Variants in KIF26B observed in about 807,000 individuals in gnomAD.
The protein encoded by KIF26B is kinesin family member 26B.
Under a neutral mutation model 151.2 loss-of-function variants are expected in KIF26B, and 63 were observed. The ratio of observed to expected loss-of-function variants is 0.42; its 90% CI spans 0.34 to 0.51. The LOEUF (loss-of-function observed/expected upper bound fraction) is 0.51, where lower values mean the gene tolerates loss of function less well. Among genes scored for constraint, KIF26B ranks in the 20% least tolerant of loss-of-function variants. KIF26B has a pLI of 0.07. For missense variants in KIF26B, 2,813 were observed against 2,913.6 expected (o/e 0.97, Z 0.79); for synonymous variants, 1,357 against 1,262.1 (o/e 1.08, Z -1.59).
intron 2 of KIF26B, among the ~76,000 whole-genome samples, chr1:245,213,413 C>A (rs1218879272): frequency 2.0e-5 from 3 of 152,196 alleles, no homozygotes; most frequent in Non-Finnish European, 2.9e-5. Context: ...TGTCTTTTAG[C>A]CAAAGCTGTG....
At chr1:245,283,326 C>T (rs1295501596) in intron 2 of KIF26B, among the ~76,000 whole-genome samples, 1 of 152,140 alleles carries the variant, frequency 6.6e-6, no homozygotes, top group Non-Finnish European at 1.5e-5. Context: ...ACCTCAAGCC[C>T]AATCCGCCCA....
intron 3 of KIF26B, among the ~76,000 whole-genome samples, chr1:245,397,433 A>C (rs904019848): frequency 6.6e-6 from 1 of 151,996 alleles, no homozygotes; most frequent in Non-Finnish European, 1.5e-5. Context: ...TCAGGCTGGT[A>C]TCGAACTCCC....
rs544593981 is a variant in KIF26B at position 245,354,449 on chromosome 1, C to G, written c.466-12385C>G. Reference sequence around the variant, plus strand: ...GATCCACGGTTTCACATGGCCAGGACCTCAGGGCCGCATCAGCCTCTTCCA... The same window carrying G: ...GATCCACGGTTTCACATGGCCAGGAGCTCAGGGCCGCATCAGCCTCTTCCA... On this transcript the variant is annotated intron_variant, in intron 2 of 14. Transcript: ENST00000407071. 5.3e-5 allele frequency among the ~76,000 whole-genome samples: 8 copies of G among 152,336 alleles called. No individual in the cohort carries two copies. In the East Asian group the frequency reaches 1.3e-3, roughly 26 times the overall value.
intron 9 of KIF26B, among the ~76,000 whole-genome samples, chr1:245,629,815 A>G (rs1478230873): frequency 6.6e-6 from 1 of 152,210 alleles, no homozygotes; most frequent in Admixed American, 6.5e-5. Context: ...GACAACCTAC[A>G]AAACGGGAGA....
At chr1:245,630,057 G>A (rs975803131) in intron 9 of KIF26B, among the ~76,000 whole-genome samples, 1 of 152,172 alleles carries the variant, frequency 6.6e-6, no homozygotes, top group African/African-American at 2.4e-5. Context: ...AGTCAGAATG[G>A]TGATTATTAA....
intron 4 of KIF26B, among the ~76,000 whole-genome samples, chr1:245,429,866 T>G (rs1270635494): frequency 1.3e-5 from 2 of 152,128 alleles, no homozygotes; most frequent in African/African-American, 2.4e-5. Context: ...CTGCCCACCT[T>G]GGCCTCCCAA....
chr1:245,323,165 C>T (rs1362976368), intron 2 of KIF26B, among the ~76,000 whole-genome samples: 1 of 152,118 alleles, frequency 6.6e-6, no homozygotes, highest in African/African-American at 2.4e-5. Context: ...TATTAATGTT[C>T]ACATGTATGG....
In KIF26B at chr1:245,166,580, T is replaced by C. The variant is rs904048029; in HGVS notation, c.465+9897T>C. On this transcript the variant is annotated intron_variant, in intron 2 of 14. Transcript: ENST00000407071. This position sits in a 1 kb window ranked among gnomAD's most constrained non-coding sequence, Gnocchi z 4.5. ...GCCCCTCCAGGGAGACTTGCAGATG[T>C]GGCATTTGGCATTTCGGCTCCGGGG... Among the ~76,000 whole-genome samples, 3 of 152,196 alleles carry C rather than the reference T, an allele frequency of 2.0e-5. No homozygotes were observed. The highest frequency in any genetic ancestry group is 4.4e-5 in the Non-Finnish European group (3 of 68,042).
intron 4 of KIF26B, among the ~76,000 whole-genome samples, chr1:245,521,108 C>T (rs767060590): frequency 9.9e-5 from 15 of 152,218 alleles, no homozygotes; most frequent in Middle Eastern, 3.4e-3. Context: ...GAGGCCGAGG[C>T]GGGCGGATCA....
intron 2 of KIF26B, chr1:245,353,980 C>T (rs894085825): frequency 1.3e-5 from 2 of 152,558 alleles, no homozygotes; most frequent in African/African-American, 4.8e-5. Context: ...CAGGATTTTA[C>T]ATCCTCTGCT....
chr1:245,221,286 A>G (rs572618835), intron 2 of KIF26B, among the ~76,000 whole-genome samples: 9 of 152,126 alleles, frequency 5.9e-5, no homozygotes, highest in Non-Finnish European at 1.2e-4. Context: ...AACTTTGGAA[A>G]GAGTTTCTCA....
At chr1:245,372,553 G>A (rs945553096) in intron 3 of KIF26B, among the ~76,000 whole-genome samples, 2 of 152,028 alleles carry the variant, frequency 1.3e-5, no homozygotes, top group Non-Finnish European at 2.9e-5. Context: ...AGTGTCTATT[G>A]TTCCTCGTCT....
At chr1:245,315,744 GT>G (rs979704415) in intron 2 of KIF26B, among the ~76,000 whole-genome samples, 2 of 151,434 alleles carry the variant, frequency 1.3e-5, no homozygotes, top group African/African-American at 4.9e-5. Flanking sequence ...AAAAATATCA[GT>G]CGGGTGTGGT....
intron 2 of KIF26B, among the ~76,000 whole-genome samples, chr1:245,159,009 T>C (rs1273822829): frequency 1.3e-5 from 2 of 152,206 alleles, no homozygotes; most frequent in African/African-American, 4.8e-5. Flanking sequence ...GATAAGACTT[T>C]TCTTCTTCCC....
intron 5 of KIF26B, among the ~76,000 whole-genome samples, chr1:245,567,909 C>A (rs535878134): frequency 8.5e-5 from 13 of 152,172 alleles, no homozygotes; most frequent in African/African-American, 2.9e-4. Context: ...AGGGGCCGGG[C>A]ACGGTGGCTC....
At chr1:245,243,469 C>T (rs529268150) in intron 2 of KIF26B, among the ~76,000 whole-genome samples, 5,637 of 151,310 alleles carry the variant, frequency 0.037, 132 homozygotes, top group Non-Finnish European at 0.042. Flanking sequence ...CACACACACA[C>T]ACATATATAT....
intron 2 of KIF26B, among the ~76,000 whole-genome samples, chr1:245,308,563 C>T (rs1387851564): frequency 6.6e-6 from 1 of 152,040 alleles, no homozygotes; most frequent in Non-Finnish European, 1.5e-5. Flanking sequence ...CTTGCTTCTA[C>T]AAAATACAAA....
Position 245,684,389 on chromosome 1 carries a change from G to C in KIF26B, c.2415G>C (p.Lys805Asn), listed in dbSNP as rs2147952419. The change falls in exon 11 of 15, where the codon AAG becomes AAC. Residue 805 changes from lysine (K) to asparagine (N), a missense_variant. Transcript: ENST00000407071. ...ASRVLRMKKK[K>N]TKYTSSSSGG... is the part of the protein sequence containing the mutation. ...GAGTCTTGAGGATGAAGAAAAAGAA[G>C]ACGAAGGTAAGGAGCTCGCGGGGTG... is the stretch of plus-strand genomic sequence containing the variant. 1 of 1,593,124 alleles carries C rather than the reference G, an allele frequency of 6.3e-7. No individual in the cohort carries two copies. Among genetic ancestry groups the C allele is most frequent in the South Asian group, 1.1e-5 (1 of 90,374 alleles).
intron 2 of KIF26B, among the ~76,000 whole-genome samples, chr1:245,295,841 G>A (rs1671327543): frequency 6.6e-6 from 1 of 152,282 alleles, no homozygotes; most frequent in African/African-American, 2.4e-5. Flanking sequence ...CATTCTGAGG[G>A]TGGCTTGGGT....
Sources: allele counts gnomAD v4.1 joint callset (sites outside exome capture counted in the v4.1 genomes callset), GRCh38; gene constraint gnomAD v4.1.1; non-coding constraint Gnocchi (gnomAD v3.1); transcripts MANE v1.5; gene names NCBI Gene and HGNC (gene_info 2026-07-23, HGNC 2026-07-21).